DLG2: variants seen among roughly 807,000 people sequenced by gnomAD.
The protein encoded by DLG2 is discs large MAGUK scaffold protein 2, also known as disks large homolog 2.
A neutral mutation model predicts 132.5 loss-of-function variants in DLG2; 45 were observed. The observed-to-expected ratio is 0.34, with a 90% CI of 0.27 to 0.44. The LOEUF is 0.44. DLG2 is among the 20% of genes least tolerant of loss of function. DLG2 has a pLI of 1.00. For synonymous variants in DLG2, 424 were observed against 419.6 expected (o/e 1.01, Z -0.13); for missense variants, 1,045 against 1,196.9 (o/e 0.87, Z 1.87).
intron 18 of DLG2, among the ~76,000 whole-genome samples, chr11:83,713,243 T>G (rs2085903463): frequency 6.6e-6 from 1 of 152,154 alleles, no homozygotes; most frequent in Non-Finnish European, 1.5e-5. Flanking sequence ...GCATTCCAGC[T>G]CCAGATTCCA....
chr11:83,817,895 A>G (rs1362231803), intron 17 of DLG2, among the ~76,000 whole-genome samples: 1 of 152,200 alleles, frequency 6.6e-6, no homozygotes, highest in Non-Finnish European at 1.5e-5. Context: ...TAAATAAAAT[A>G]AAGGGAAGTC....
At chr11:84,125,850 A>C (rs1169899114) in intron 9 of DLG2, among the ~76,000 whole-genome samples, 2 of 152,226 alleles carry the variant, frequency 1.3e-5, no homozygotes, top group Non-Finnish European at 2.9e-5. Flanking sequence ...TTGTTTTTCT[A>C]GTGTGATTGT....
At chr11:85,524,800 C>T (rs1279244442) in intron 3 of DLG2, among the ~76,000 whole-genome samples, 1 of 152,006 alleles carries the variant, frequency 6.6e-6, no homozygotes, top group African/African-American at 2.4e-5. Context: ...CACTGCTACT[C>T]TAATTTTATT....
intron 18 of DLG2, among the ~76,000 whole-genome samples, chr11:83,703,059 A>G (rs1001776674): frequency 7.2e-5 from 11 of 152,362 alleles, no homozygotes; most frequent in African/African-American, 2.6e-4. Flanking sequence ...TTCACAGACA[A>G]GATTGAACTC....
At chr11:83,780,545 T>A (rs182739492) in intron 18 of DLG2, among the ~76,000 whole-genome samples, 1 of 152,350 alleles carries the variant, frequency 6.6e-6, no homozygotes, top group Non-Finnish European at 1.5e-5. Context: ...CATAGAGGCA[T>A]CTGTGAGGAT....
chr11:83,752,993 T>G (rs13377566), intron 18 of DLG2, among the ~76,000 whole-genome samples: 46,159 of 152,012 alleles, frequency 0.3, 9,323 homozygotes, highest in African/African-American at 0.58. Context: ...AGAGGAGAAA[T>G]AAAAAGTAGT....
At chr11:85,016,096 T>C (rs2059554416) in intron 6 of DLG2, among the ~76,000 whole-genome samples, 2 of 152,150 alleles carry the variant, frequency 1.3e-5, no homozygotes, top group Non-Finnish European at 1.5e-5. Flanking sequence ...CAAATCCCCA[T>C]GTTGCTCCTA....
intron 15 of DLG2, among the ~76,000 whole-genome samples, chr11:83,895,145 C>CTTTTTTTTTT (rs11287512): frequency 1.1e-5 from 1 of 87,902 alleles, no homozygotes; most frequent in African/African-American, 5.0e-5. Flanking sequence ...GAACTACTGT[C>CTTTTTTTTTT]TTTTTTTTTT....
At chr11:84,700,141 G>A (rs2153739660) in intron 6 of DLG2, among the ~76,000 whole-genome samples, 1 of 151,674 alleles carries the variant, frequency 6.6e-6, no homozygotes, top group African/African-American at 2.4e-5. Context: ...AACCCAGCAA[G>A]AAGAACTTGG....
In DLG2 at chr11:84,553,961, G is replaced by A. The variant is rs1485225009; in HGVS notation, c.358-19230C>T. ...ATTTGAATGACTGCACTGCCATAAA[G>A]TTTAGACTTTCACTTCTAGAGACTT... is the stretch of plus-strand genomic sequence containing the variant. On this transcript the variant is annotated intron_variant, in intron 6 of 27. Coordinates refer to ENST00000376104, the MANE Select transcript of DLG2 (RefSeq NM_001142699.3). 2.0e-5 allele frequency among the ~76,000 whole-genome samples: 3 copies of A among 152,198 alleles called. No individual in the cohort carries two copies. The South Asian group carries it at 6.2e-4, about 31-fold the overall frequency.
chr11:84,260,968 A>G (rs914857177), intron 7 of DLG2, among the ~76,000 whole-genome samples: 3 of 152,180 alleles, frequency 2.0e-5, no homozygotes, highest in African/African-American at 7.2e-5. Context: ...CATAATAACC[A>G]TACCTACTTA....
At chr11:84,415,085 C>A (rs2098924512) in intron 7 of DLG2, among the ~76,000 whole-genome samples, 1 of 152,088 alleles carries the variant, frequency 6.6e-6, no homozygotes, top group East Asian at 1.9e-4. Context: ...GAGGATTATG[C>A]AATGTGCACT....
At chr11:83,894,832 T>C (rs2071080150) in intron 15 of DLG2, among the ~76,000 whole-genome samples, 1 of 152,166 alleles carries the variant, frequency 6.6e-6, no homozygotes, top group Non-Finnish European at 1.5e-5. Flanking sequence ...AACTACATTC[T>C]ACTCTCTGCC....
chr11:83,899,515 A>G (rs1162488331), intron 15 of DLG2, among the ~76,000 whole-genome samples: 1 of 152,132 alleles, frequency 6.6e-6, no homozygotes, highest in African/African-American at 2.4e-5. Context: ...CTGGTGGGAG[A>G]TAAATGAATC....
At chr11:84,421,504 G>A (rs920754225) in intron 7 of DLG2, among the ~76,000 whole-genome samples, 8 of 152,130 alleles carry the variant, frequency 5.3e-5, no homozygotes, top group African/African-American at 1.9e-4. Flanking sequence ...TGAGAATACT[G>A]TAAACGTCTC....
chr11:85,014,701 A>C (rs2059423195), intron 6 of DLG2, among the ~76,000 whole-genome samples: 1 of 152,106 alleles, frequency 6.6e-6, no homozygotes, highest in African/African-American at 2.4e-5. Context: ...TCAAAGCCCC[A>C]CCCGGACCTA....
At chr11:84,848,899 C>T (rs2081844207) in intron 6 of DLG2, among the ~76,000 whole-genome samples, 1 of 152,218 alleles carries the variant, frequency 6.6e-6, no homozygotes, top group Non-Finnish European at 1.5e-5. Context: ...TCCACACTGA[C>T]TCAGGACTGG....
intron 7 of DLG2, among the ~76,000 whole-genome samples, chr11:84,468,215 A>G (rs761854380): frequency 4.0e-5 from 6 of 151,588 alleles, no homozygotes; most frequent in Non-Finnish European, 8.9e-5. Context: ...GAGATTGGGT[A>G]TGCCTTATTG....
intron 6 of DLG2, among the ~76,000 whole-genome samples, chr11:84,854,456 A>G (rs1244659181): frequency 1.3e-5 from 2 of 152,028 alleles, no homozygotes; most frequent in African/African-American, 2.4e-5. Context: ...TACCACCACT[A>G]CCAATCATAC....
Sources: allele counts gnomAD v4.1 joint callset (sites outside exome capture counted in the v4.1 genomes callset), GRCh38; gene constraint gnomAD v4.1.1; transcripts MANE v1.5; gene names NCBI Gene and HGNC (gene_info 2026-07-23, HGNC 2026-07-21).